Variants in SMC6 observed in about 807,000 individuals in gnomAD.
The protein encoded by SMC6 is structural maintenance of chromosomes 6.
Under a neutral mutation model 142.2 loss-of-function variants are expected in SMC6, and 79 were observed. The observed-to-expected ratio is 0.56, with a 90% CI of 0.46 to 0.67. SMC6 has a LOEUF of 0.67. Ranked by LOEUF, SMC6 falls within the 30% of genes least tolerant of loss-of-function variation. The pLI is 0.00. For missense variants in SMC6, 1,072 were observed against 1,284.0 expected, an observed-to-expected ratio of 0.83 and a Z score of 2.52; for synonymous variants, 411 against 412.4, an observed-to-expected ratio of 1.00 and a Z score of 0.04.
chr2:17,687,881 G>A (rs996041188), intron 23 of SMC6, among the ~76,000 whole-genome samples: 2 of 152,092 alleles, frequency 1.3e-5, no homozygotes, highest in African/African-American at 4.8e-5. Flanking sequence ...CTTTAGAACA[G>A]AGTAAATTTA....
At chr2:17,739,047 G>A (rs115738927) in intron 4 of SMC6, among the ~76,000 whole-genome samples, 3,712 of 152,126 alleles carry the variant, frequency 0.024, 55 homozygotes, top group African/African-American at 0.043. Context: ...CACATAATAA[G>A]TACTTGCATT....
rs149436219 is a variant in SMC6, at chr2:17,748,017, T to C, written c.-5-2066A>G. Among the ~76,000 whole-genome samples the C allele has an allele frequency of 7.9e-5, 12 of 152,318 alleles. No homozygotes were observed. In the East Asian group the frequency reaches 2.3e-3, roughly 29 times the overall value. On this transcript the variant is annotated intron_variant, in intron 2 of 27. Coordinates refer to ENST00000448223, the MANE Select transcript of SMC6 (RefSeq NM_001142286.2). ...GAGTCTCATGGATTCCTGCACCACA[T>C]TTTGCAAAGTGCAGCTACAGGGGGA...
rs186282067 is a variant in SMC6 at position 17,689,691 on chromosome 2, C to T, written c.2678+5461G>A. Among the ~76,000 whole-genome samples, 20 of 152,322 alleles carry T rather than the reference C, an allele frequency of 1.3e-4. No individual in the cohort carries two copies. In the East Asian group the frequency reaches 3.3e-3, roughly 25 times the overall value. Reference sequence around the variant, plus strand: ...GGCCCCCTGGGCAGATACCAAAATCCATGAATCCCTTTTATAAATGTCATA... The same window carrying T: ...GGCCCCCTGGGCAGATACCAAAATCTATGAATCCCTTTTATAAATGTCATA... On this transcript the variant is annotated intron_variant, in intron 23 of 27. Transcript: ENST00000448223.
intron 24 of SMC6, 23 bp downstream of exon 24, chr2:17,683,615 G>A: frequency 6.3e-7 from 1 of 1,576,372 alleles, no homozygotes; most frequent in Non-Finnish European, 8.7e-7. Flanking sequence ...ATAATATATA[G>A]TAACATTTTT....
intron 23 of SMC6, among the ~76,000 whole-genome samples, chr2:17,686,974 A>T (rs974437810): frequency 7.9e-5 from 12 of 152,192 alleles, no homozygotes; most frequent in Admixed American, 7.2e-4. Flanking sequence ...ACATAAATGA[A>T]TTTTTGTGTT....
At position 17,741,526 on chromosome 2, in the gene SMC6, A is replaced by C. The variant is rs1050775100; in HGVS notation, c.238+86T>G. The stretch of plus-strand genomic sequence containing the variant: ...ATCTATAGAAAAAATACTTATTAGC[A>C]CTAATAGTCACCTATTTCAAAAAGT... On this transcript the variant is annotated intron_variant, in intron 4 of 27. Transcript: ENST00000448223. The C allele has an allele frequency of 1.0e-4, 77 of 759,058 alleles. No homozygotes were observed. The African/African-American group carries it at 1.3e-3, about 12-fold the overall frequency. The allele number at this position is 759,058 out of a possible 1,614,324, so 47.0% of individuals were successfully genotyped here.
At chr2:17,746,026 A>C in intron 2 of SMC6, 75 bp from the exon 3 acceptor site, 2 of 1,326,500 alleles carry the variant, frequency 1.5e-6, no homozygotes, top group Non-Finnish European at 2.0e-6. Flanking sequence ...TAAATCTAAC[A>C]AGGCTAATTA....
intron 8 of SMC6, among the ~76,000 whole-genome samples, chr2:17,725,612 G>T (rs1026102685): frequency 6.6e-6 from 1 of 151,870 alleles, no homozygotes; most frequent in African/African-American, 2.4e-5. Flanking sequence ...AACACTTCAG[G>T]GTGTGGTAAT....
At chr2:17,719,025 A>G (rs938869338) in intron 11 of SMC6, among the ~76,000 whole-genome samples, 4 of 152,164 alleles carry the variant, frequency 2.6e-5, no homozygotes, top group Non-Finnish European at 5.9e-5. Flanking sequence ...GATGCTGGCA[A>G]TAGGGACTGA....
intron 4 of SMC6, among the ~76,000 whole-genome samples, chr2:17,739,845 GACACAC>G (rs776038205): frequency 4.5e-5 from 5 of 110,562 alleles, no homozygotes; most frequent in South Asian, 7.4e-4. Flanking sequence ...CACACACACA[GACACAC>G]ACACACACAC....
At chr2:17,747,382 T>C (rs527346760) in intron 2 of SMC6, among the ~76,000 whole-genome samples, 135 of 152,318 alleles carry the variant, frequency 8.9e-4, no homozygotes, top group African/African-American at 3.1e-3. Flanking sequence ...CAGTCCAATA[T>C]GGAGGGAAGC....
intron 25 of SMC6, 128 bp downstream of exon 25, chr2:17,678,731 G>T: frequency 9.8e-6 from 6 of 609,806 alleles, no homozygotes; most frequent in Non-Finnish European, 1.1e-5. Context: ...AGCTATGATT[G>T]TACCACTGCA....
intron 9 of SMC6, among the ~76,000 whole-genome samples, chr2:17,723,446 C>T (rs531951074): frequency 6.6e-6 from 1 of 152,332 alleles, no homozygotes; most frequent in Non-Finnish European, 1.5e-5. Context: ...ACACTCTAGC[C>T]AATCTGGAAT....
At position 17,707,261 on chromosome 2, in the gene SMC6, G is replaced by A. The variant is rs1330309396; in HGVS notation, c.1964C>T (p.Thr655Ile). 6.2e-7 allele frequency: 1 copy of A among 1,600,070 alleles called. No homozygotes were observed. Among genetic ancestry groups the A allele is most frequent in the Non-Finnish European group, 8.5e-7 (1 of 1,174,156 alleles). ...FAGRYYSSEN[T>I]RPKFLSRDVD... ...ATCTCTGCTTAGGAACTTAGGTCTTGTATTTTCAGATGAATAATAACGTCC... is the reference window on the plus strand; with the variant it reads ...ATCTCTGCTTAGGAACTTAGGTCTTATATTTTCAGATGAATAATAACGTCC... The change falls in exon 18 of 28, where the codon ACA becomes ATA. Residue 655 changes from threonine (T) to isoleucine (I), a missense_variant. Thr to Ile is a moderately conservative substitution (Grantham distance 89). This residue lies in a region of SMC6 where 994 missense variants were observed against 1,153.2 expected (regional missense o/e 0.86). Transcript: ENST00000448223.
chr2:17,683,324 T>TTAA (rs1031638728), intron 24 of SMC6, among the ~76,000 whole-genome samples: 16 of 152,196 alleles, frequency 1.1e-4, no homozygotes, highest in Admixed American at 3.3e-4. Context: ...CAAATGCTTG[T>TTAA]ATCCATTAAA....
chr2:17,753,116 T>A (rs528122439), intron 1 of SMC6, 52 bp from the exon 2 acceptor site: 6 of 655,938 alleles, frequency 9.1e-6, no homozygotes, highest in Middle Eastern at 7.6e-4. Flanking sequence ...TGAACACATG[T>A]TAATTTTTCT....
chr2:17,743,957 A>G (rs1028938482), intron 3 of SMC6, among the ~76,000 whole-genome samples: 6 of 152,192 alleles, frequency 3.9e-5, no homozygotes, highest in African/African-American at 1.4e-4. Context: ...GATATACCAG[A>G]GTTTATTTAT....
intron 2 of SMC6, among the ~76,000 whole-genome samples, chr2:17,750,404 T>G (rs1475416900): frequency 6.6e-6 from 1 of 152,232 alleles, no homozygotes; most frequent in Non-Finnish European, 1.5e-5. Flanking sequence ...CTATTTCCTT[T>G]GATCCCCAAC....
chr2:17,732,039 A>G (rs1481345701), intron 5 of SMC6, among the ~76,000 whole-genome samples, 162 bp from the exon 6 acceptor site: 2 of 152,384 alleles, frequency 1.3e-5, no homozygotes, highest in East Asian at 3.9e-4. Context: ...ACTACAGCAT[A>G]ACGTTAACGA....
Sources: allele counts gnomAD v4.1 joint callset (sites outside exome capture counted in the v4.1 genomes callset), GRCh38; gene constraint gnomAD v4.1.1; regional missense constraint gnomAD v4.1.1; transcripts MANE v1.5; gene names NCBI Gene and HGNC (gene_info 2026-07-23, HGNC 2026-07-21).